The following FASTKD1 variants were observed in gnomAD, a reference collection of about 807,000 sequenced individuals.
FASTKD1 encodes the protein FAST kinase domain-containing protein 1, mitochondrial.
FASTKD1 carries 94 observed loss-of-function variants against 90.9 expected under a neutral mutation model. The observed-to-expected ratio is 1.03, with a 90% CI of 0.88 to 1.23. The LOEUF is 1.23. FASTKD1 is among the 50% of genes most tolerant of loss of function. FASTKD1 has a pLI of 0.00. For synonymous variants in FASTKD1, 319 were observed against 345.8 expected (o/e 0.92, Z 0.86); for missense variants, 945 against 993.5 (o/e 0.95, Z 0.66).
chr2:169,532,442 AC>A (rs1202210618), intron 12 of FASTKD1, among the ~76,000 whole-genome samples: 1 of 151,552 alleles, frequency 6.6e-6, no homozygotes, highest in Non-Finnish European at 1.5e-5. Context: ...GAAAAAGACA[AC>A]CAGCCTTGTG....
In FASTKD1 at chr2:169,535,464, A is replaced by ATTTATTTATTAT. The variant is rs1553535173; in HGVS notation, c.2188+1762_2188+1763insATAATAAATAAA. ...TATTTATTTATTTATTTATTTATTT[A>ATTTATTTATTAT]TTATTTGTTTATTTATTTATTTAGA... is the stretch of plus-strand genomic sequence containing the variant. On this transcript the variant is annotated intron_variant, in intron 12 of 14. Coordinates refer to ENST00000453153, the MANE Select transcript of FASTKD1 (RefSeq NM_024622.6). Among the ~76,000 whole-genome samples the ATTTATTTATTAT allele has an allele frequency of 2.7e-3, 402 of 149,732 alleles. 3 individuals are homozygous for ATTTATTTATTAT. The highest frequency in any genetic ancestry group is 4.3e-3 in the Non-Finnish European group (289 of 67,444).
At position 169,541,260 on chromosome 2, in the gene FASTKD1, C is replaced by T. The variant is rs571723030; in HGVS notation, c.1817-1081G>A. On this transcript the variant is annotated intron_variant, in intron 9 of 14. Coordinates refer to ENST00000453153, the MANE Select transcript of FASTKD1 (RefSeq NM_024622.6). ...ACTTTCTCTGATTAAGTTTTAAAAACTCAAAGCTGTACTTCTCAATCTTTC... is the reference window on the plus strand; with the variant it reads ...ACTTTCTCTGATTAAGTTTTAAAAATTCAAAGCTGTACTTCTCAATCTTTC... Among the ~76,000 whole-genome samples, 4 of 152,304 alleles carry T rather than the reference C, an allele frequency of 2.6e-5. No homozygotes were observed. In the South Asian group the frequency reaches 8.3e-4, roughly 32 times the overall value.
At chr2:169,567,177 T>G (rs1471984966) in intron 3 of FASTKD1, among the ~76,000 whole-genome samples, 3 of 152,136 alleles carry the variant, frequency 2.0e-5, no homozygotes, top group African/African-American at 4.8e-5. Flanking sequence ...TGAGTTATTT[T>G]GAAATAAAGA....
intron 12 of FASTKD1, among the ~76,000 whole-genome samples, chr2:169,536,777 C>G (rs539516487): frequency 3.9e-4 from 59 of 152,284 alleles, no homozygotes; most frequent in African/African-American, 1.2e-3. Flanking sequence ...CAAGATTAAT[C>G]AGGTTAGCAT....
Position 169,546,620 on chromosome 2 carries a change from T to C in FASTKD1, c.1299A>G (p.Glu433=). The C allele has an allele frequency of 6.2e-7, 1 of 1,614,144 alleles. No homozygotes were observed. Among genetic ancestry groups the C allele is most frequent in the Non-Finnish European group, 8.5e-7 (1 of 1,180,016 alleles). The change falls in exon 8 of 15, where the codon GAA becomes GAG. Residue 433 remains glutamate (E), a synonymous_variant. Transcript: ENST00000453153. The part of the protein sequence containing the change: ...ISLLPSPHLD[E]VGISRIEAVL... ...CGGCTTCAATTCGGGATATCCCCAC[T>C]TCGTCCAAGTGAGGAGAAGGGAGCA...
Position 169,564,634 on chromosome 2 carries a change from T to A in FASTKD1, c.447-1284A>T, listed in dbSNP as rs1683868912. Among the ~76,000 whole-genome samples the A allele has an allele frequency of 2.0e-5, 3 of 152,240 alleles. No homozygotes were observed. The South Asian group carries it at 6.2e-4, about 32-fold the overall frequency. On this transcript the variant is annotated intron_variant, in intron 3 of 14. Coordinates refer to ENST00000453153, the MANE Select transcript of FASTKD1 (RefSeq NM_024622.6). Reference sequence around the variant, plus strand: ...ATAATTAAGTTATTATTGACTATAGTCACCCTGTTGTGCTGTCAAATAGTA... The same window carrying A: ...ATAATTAAGTTATTATTGACTATAGACACCCTGTTGTGCTGTCAAATAGTA...
At position 169,569,199 on chromosome 2, in the gene FASTKD1, C is replaced by T. The variant is rs1444572716; in HGVS notation, c.431G>A (p.Trp144Ter). 2.5e-6 allele frequency: 4 copies of T among 1,613,980 alleles called. No individual in the cohort carries two copies. In the East Asian group the frequency reaches 8.9e-5, roughly 36 times the overall value. ...PLVEALVTEA[W>*]RRLERFDIKL... ...GGGTACTTGCCTTTCTAGCCTTCTC[C>T]ATGCTTCTGTAACTAGTGCTTCAAC... Residue 144 changes from tryptophan to a stop codon, truncating the protein, a stop_gained, in exon 3 of 15, where the codon TGG becomes TAG. Transcript: ENST00000453153. LOFTEE classifies it high-confidence loss of function.
At chr2:169,537,987 C>A in intron 11 of FASTKD1, 26 bp downstream of exon 11, 1 of 1,574,484 alleles carries the variant, frequency 6.4e-7, no homozygotes, top group Admixed American at 2.0e-5. Context: ...TCAAACTTTG[C>A]TATCTGACTA....
chr2:169,560,615 A>G lies in FASTKD1; in HGVS notation c.743T>C (p.Leu248Pro). The G allele has an allele frequency of 6.2e-7, 1 of 1,612,196 alleles. No homozygotes were observed. The highest frequency in any genetic ancestry group is 8.5e-7 in the Non-Finnish European group (1 of 1,179,356). ...LRNVRYRYQP[L>P]LERCNNVFLS... Reference sequence around the variant, plus strand: ...AAATACGTTATTACATCTTTCTAATAGTGGTTGATAACGATATCTAACATT... The same window carrying G: ...AAATACGTTATTACATCTTTCTAATGGTGGTTGATAACGATATCTAACATT... The change falls in exon 5 of 15, where the codon CTA (leucine) becomes CCA (proline). Residue 248 changes from leucine (L) to proline (P), a missense_variant. Coordinates refer to ENST00000453153, the MANE Select transcript of FASTKD1 (RefSeq NM_024622.6).
rs973572032 is a variant in FASTKD1, at chr2:169,531,405, G to A, written c.2274C>T (p.Pro758=). ...CAACTATTTCGATATTTGATTCCCA[G>A]GGCATTTCTGGTAGTTGTCCCAATG... is the stretch of plus-strand genomic sequence containing the variant. ...NIALGQLPEM[P]WESNIEIVGS... Residue 758 remains proline, a synonymous_variant, in exon 13 of 15, where the codon CCC becomes CCT. Coordinates refer to ENST00000453153, the MANE Select transcript of FASTKD1 (RefSeq NM_024622.6). The A allele has an allele frequency of 3.7e-6, 6 of 1,612,964 alleles. No homozygotes were observed. In the African/African-American group the frequency reaches 8.0e-5, roughly 22 times the overall value.
At chr2:169,561,674 T>C (rs947012652) in intron 4 of FASTKD1, among the ~76,000 whole-genome samples, 2 of 149,320 alleles carry the variant, frequency 1.3e-5, no homozygotes, top group African/African-American at 4.9e-5. Flanking sequence ...ATAAATTAAT[T>C]ATAAATTAAT....
intron 4 of FASTKD1, among the ~76,000 whole-genome samples, chr2:169,562,413 G>A (rs1683745583): frequency 6.6e-6 from 1 of 151,806 alleles, no homozygotes; most frequent in Non-Finnish European, 1.5e-5. Flanking sequence ...TGTATTTTTT[G>A]TAGAGATGGG....
chr2:169,536,206 C>G (rs895288137), intron 12 of FASTKD1, among the ~76,000 whole-genome samples: 2 of 152,136 alleles, frequency 1.3e-5, no homozygotes, highest in African/African-American at 4.8e-5. Context: ...TTAATCCTAT[C>G]AAGTAGGCAT....
rs1559157357 is a variant in FASTKD1 at position 169,562,021 on chromosome 2, T to TTAATTATTTATTAATTTATTGTAAAA, written c.572+1203_572+1204insTTTTACAATAAATTAATAAATAATTA. Among the ~76,000 whole-genome samples, 12 of 117,854 alleles carry TTAATTATTTATTAATTTATTGTAAAA rather than the reference T, an allele frequency of 1.0e-4. 4 individuals carry two copies. The highest frequency in any genetic ancestry group is 4.8e-4 in the South Asian group (2 of 4,154). 77.3% of individuals were successfully genotyped at this position (117,854 alleles called of 152,430 possible). A position where few individuals can be genotyped will look rare whatever the true frequency, so the allele number is the denominator to read the frequency against. On this transcript the variant is annotated intron_variant, in intron 4 of 14. Coordinates refer to ENST00000453153, the MANE Select transcript of FASTKD1 (RefSeq NM_024622.6). ...TAATTATTCATTAATTTATTGTAAA[T>TTAATTATTTATTAATTTATTGTAAAA]TAATTATTTATTAATTTATTGTAAA...
intron 12 of FASTKD1, among the ~76,000 whole-genome samples, chr2:169,532,402 CAA>C (rs57524382): frequency 4.0e-4 from 32 of 80,494 alleles, no homozygotes; most frequent in Admixed American, 9.4e-4. Context: ...CAGAGCCAGA[CAA>C]AAAAAAAAAA....
At chr2:169,544,863 G>A (rs772530384) in intron 8 of FASTKD1, 28 bp from the exon 9 acceptor site, 23 of 1,341,720 alleles carry the variant, frequency 1.7e-5, no homozygotes, top group Non-Finnish European at 2.3e-5. Context: ...AAAATTTATA[G>A]TTTAAACTTT....
chr2:169,553,631 A>T (rs1279130823), intron 7 of FASTKD1, among the ~76,000 whole-genome samples: 2 of 152,158 alleles, frequency 1.3e-5, no homozygotes, highest in African/African-American at 4.8e-5. Context: ...CACAGTAAAA[A>T]ATCAGGCCGG....
intron 7 of FASTKD1, among the ~76,000 whole-genome samples, chr2:169,548,833 T>G (rs187606993): frequency 2.0e-5 from 3 of 149,886 alleles, no homozygotes; most frequent in East Asian, 2.0e-4. Context: ...GGTAGCTCAC[T>G]CCTGTAATCC....
At chr2:169,530,412 C>T in intron 14 of FASTKD1, among the ~76,000 whole-genome samples, 175 bp downstream of exon 14, 1 of 152,156 alleles carries the variant, frequency 6.6e-6, no homozygotes, top group Non-Finnish European at 1.5e-5. Flanking sequence ...AATCCTCCCA[C>T]CTCAGCCACC....
Sources: gnomAD v4.1 joint callset for allele counts (sites outside exome capture counted in the v4.1 genomes callset) on GRCh38, gnomAD v4.1.1 for gene constraint, MANE v1.5 for transcripts, NCBI Gene and HGNC (gene_info 2026-07-23, HGNC 2026-07-21) for gene names.